The following NAALADL2 variants were observed in gnomAD, a reference collection of about 807,000 sequenced individuals.
NAALADL2 encodes inactive N-acetylated-alpha-linked acidic dipeptidase-like protein 2.
Under a neutral mutation model 87.2 loss-of-function variants are expected in NAALADL2, and 76 were observed. The ratio of observed to expected loss-of-function variants is 0.87; its 90% CI spans 0.72 to 1.05. The LOEUF is 1.05. Among genes scored for constraint, NAALADL2 ranks in the 50% least tolerant of loss-of-function variants. The pLI is 0.00. For missense variants in NAALADL2, 1,089 were observed against 945.8 expected, an observed-to-expected ratio of 1.15 and a Z score of -1.99; for synonymous variants, 354 against 331.0, an observed-to-expected ratio of 1.07 and a Z score of -0.75.
chr3:174,853,963 C>T (rs1460814963), intron 3 of NAALADL2, among the ~76,000 whole-genome samples: 1 of 152,038 alleles, frequency 6.6e-6, no homozygotes, highest in Non-Finnish European at 1.5e-5. Context: ...GTATGGAAAA[C>T]AGTATGGAAG....
At chr3:174,839,814 A>G (rs1723801487) in intron 3 of NAALADL2, among the ~76,000 whole-genome samples, 1 of 151,416 alleles carries the variant, frequency 6.6e-6, no homozygotes, top group Non-Finnish European at 1.5e-5. Context: ...TTACTCCTGA[A>G]CGAATGGCCA....
intron 9 of NAALADL2, among the ~76,000 whole-genome samples, chr3:175,537,123 G>A (rs1390724647): frequency 6.6e-6 from 1 of 152,178 alleles, no homozygotes; most frequent in East Asian, 1.9e-4. Flanking sequence ...TTTTAGAGAA[G>A]AAGAAACTGA....
intron 5 of NAALADL2, among the ~76,000 whole-genome samples, chr3:175,400,557 C>T (rs1862078): frequency 0.52 from 78,963 of 151,470 alleles, 21,389 homozygotes; most frequent in East Asian, 0.59. Flanking sequence ...ATTGAAAGCA[C>T]TGAGTCAAGC....
intron 9 of NAALADL2, among the ~76,000 whole-genome samples, chr3:175,575,502 C>A (rs2149554661): frequency 6.6e-6 from 1 of 152,158 alleles, no homozygotes; most frequent in East Asian, 1.9e-4. Context: ...CCAGGCTGGT[C>A]TCAAACTGCT....
chr3:175,474,998 CA>C (rs1223685948), intron 9 of NAALADL2, among the ~76,000 whole-genome samples: 1 of 147,544 alleles, frequency 6.8e-6, no homozygotes, highest in Non-Finnish European at 1.5e-5. Flanking sequence ...TGTAATTATA[CA>C]TTCTTTCATG....
chr3:175,313,095 C>G (rs1276729556), intron 4 of NAALADL2, among the ~76,000 whole-genome samples: 1 of 152,164 alleles, frequency 6.6e-6, no homozygotes, highest in Non-Finnish European at 1.5e-5. Context: ...AGTGTGTCCT[C>G]ATATGGCCTT....
chr3:174,954,389 G>A (rs1740865289), intron 1 of NAALADL2, among the ~76,000 whole-genome samples: 1 of 152,098 alleles, frequency 6.6e-6, no homozygotes, highest in East Asian at 1.9e-4. Context: ...CATTGAGGGT[G>A]CATTATACTG....
At position 174,713,009 on chromosome 3, in the gene NAALADL2, T is replaced by C. The variant is rs181327954; in HGVS notation, c.-114-24632T>C. Among the ~76,000 whole-genome samples the C allele has an allele frequency of 3.4e-3, 508 of 151,266 alleles. 2 individuals are homozygous for C. The highest frequency in any genetic ancestry group is 0.017 in the Middle Eastern group (5 of 290). ...TGATGTTCCCCTTCCTGTGTGCAAG[T>C]GTTCTCATTTTTCAATTCCCACCTA... On this transcript the variant is annotated intron_variant, in intron 2 of 3. Coordinates refer to the NAALADL2 transcript ENST00000434257.
In NAALADL2 at chr3:174,777,814, A is replaced by G. The variant is rs1715402687; in HGVS notation, c.-9+40068A>G. Among the ~76,000 whole-genome samples, 3 of 152,198 alleles carry G rather than the reference A, an allele frequency of 2.0e-5. No homozygotes were observed. In the South Asian group the frequency reaches 6.2e-4, roughly 32 times the overall value. On this transcript the variant is annotated intron_variant, in intron 3 of 3. Transcript: ENST00000434257. Reference sequence around the variant, plus strand: ...TACTGAACCTCTCCTTTCCACATATACATGCATAAGCAAACCATCCTCTAT... The same window carrying G: ...TACTGAACCTCTCCTTTCCACATATGCATGCATAAGCAAACCATCCTCTAT...
intron 8 of NAALADL2, among the ~76,000 whole-genome samples, chr3:175,468,998 G>A (rs1322419612): frequency 6.6e-6 from 1 of 151,894 alleles, no homozygotes; most frequent in East Asian, 1.9e-4. Context: ...GGAGTTCACA[G>A]GAAAAAAATT....
rs561797396 is a variant in NAALADL2 at position 175,521,098 on chromosome 3, A to T, written c.1653+49340A>T. Among the ~76,000 whole-genome samples the T allele has an allele frequency of 2.0e-5, 3 of 152,034 alleles. No homozygotes were observed. The East Asian group carries it at 5.8e-4, about 29-fold the overall frequency. ...ACGTATCAGTTTCATAATATTGACA[A>T]TGCAAAAATCTGGAAACATTATAAA... On this transcript the variant is annotated intron_variant, in intron 9 of 13. Transcript: ENST00000454872.
intron 5 of NAALADL2, among the ~76,000 whole-genome samples, chr3:175,339,015 C>G (rs1762317375): frequency 6.6e-6 from 1 of 152,232 alleles, no homozygotes; most frequent in South Asian, 2.1e-4. Flanking sequence ...GAAAGCGTCA[C>G]TGAAACAAAG....
intron 9 of NAALADL2, among the ~76,000 whole-genome samples, chr3:175,501,673 G>T (rs1333078789): frequency 2.0e-5 from 3 of 152,112 alleles, no homozygotes; most frequent in African/African-American, 7.2e-5. Context: ...ATAGGGAAAA[G>T]AGCAATAGCA....
At chr3:175,673,803 A>C (rs1051173912) in intron 11 of NAALADL2, among the ~76,000 whole-genome samples, 1 of 152,248 alleles carries the variant, frequency 6.6e-6, no homozygotes, top group South Asian at 2.1e-4. Flanking sequence ...TAAAAGTTAA[A>C]CAAATCCCAA....
chr3:175,064,885 G>A (rs1304908060), intron 1 of NAALADL2, among the ~76,000 whole-genome samples: 1 of 152,054 alleles, frequency 6.6e-6, no homozygotes, highest in East Asian at 1.9e-4. Context: ...CAACTAAACT[G>A]GCTTGGCTTT....
chr3:174,995,518 C>T (rs1446845644), intron 1 of NAALADL2, among the ~76,000 whole-genome samples: 1 of 152,042 alleles, frequency 6.6e-6, no homozygotes, highest in Non-Finnish European at 1.5e-5. Context: ...CTTTTCTGTT[C>T]TTTTGTGTTG....
At chr3:175,418,919 C>T (rs2149114265) in intron 5 of NAALADL2, among the ~76,000 whole-genome samples, 1 of 152,102 alleles carries the variant, frequency 6.6e-6, no homozygotes, top group Admixed American at 6.6e-5. Flanking sequence ...AGAGCAACGG[C>T]AGGCAACCAC....
intron 2 of NAALADL2, among the ~76,000 whole-genome samples, chr3:174,715,110 CT>C (rs532084518): frequency 7.9e-4 from 121 of 152,246 alleles, no homozygotes; most frequent in African/African-American, 2.8e-3. Context: ...AGTCAATCGG[CT>C]TTTATATATG....
intron 1 of NAALADL2, among the ~76,000 whole-genome samples, chr3:174,860,307 G>A (rs867069457): frequency 1.5e-4 from 23 of 151,714 alleles, no homozygotes; most frequent in East Asian, 5.8e-4. Flanking sequence ...AAGAATCCCC[G>A]TATCTTTTTT....
Sources: gnomAD v4.1 joint callset for allele counts (sites outside exome capture counted in the v4.1 genomes callset) on GRCh38, gnomAD v4.1.1 for gene constraint, MANE v1.5 for transcripts, NCBI Gene and HGNC (gene_info 2026-07-23, HGNC 2026-07-21) for gene names.